Variants in GUCY1A2 observed in about 807,000 individuals in gnomAD.
GUCY1A2 encodes the protein guanylate cyclase soluble subunit alpha-2.
Under a neutral mutation model 63.5 loss-of-function variants are expected in GUCY1A2, and 27 were observed. That is an observed-to-expected ratio of 0.43 (90% CI 0.31 to 0.59). GUCY1A2 has a LOEUF of 0.59. GUCY1A2 is among the 20% of genes least tolerant of loss of function. The pLI, the probability that GUCY1A2 is intolerant of heterozygous loss-of-function variation, is 0.11. For missense variants in GUCY1A2, 768 were observed against 913.3 expected (o/e 0.84, Z 2.05); for synonymous variants, 364 against 343.5 (o/e 1.06, Z -0.66).
At chr11:106,715,862 G>A (rs937607706) in intron 6 of GUCY1A2, among the ~76,000 whole-genome samples, 1 of 152,180 alleles carries the variant, frequency 6.6e-6, no homozygotes, top group Non-Finnish European at 1.5e-5. Context: ...TTCATTTGCT[G>A]TAAAAGATAC....
intron 3 of GUCY1A2, among the ~76,000 whole-genome samples, chr11:106,954,725 T>C (rs1221426468): frequency 6.6e-6 from 1 of 152,206 alleles, no homozygotes; most frequent in Non-Finnish European, 1.5e-5. Flanking sequence ...TAGTTAGCTC[T>C]TCTTGTTGAA....
chr11:106,829,242 C>T (rs118009027), intron 4 of GUCY1A2, among the ~76,000 whole-genome samples: 10 of 152,296 alleles, frequency 6.6e-5, no homozygotes, highest in South Asian at 6.2e-4. Flanking sequence ...ACTGTAATCA[C>T]GGAAGCTAAG....
chr11:106,865,932 C>T (rs1348720544), intron 4 of GUCY1A2, among the ~76,000 whole-genome samples: 1 of 151,248 alleles, frequency 6.6e-6, no homozygotes, highest in Non-Finnish European at 1.5e-5. Flanking sequence ...AAATTATTTC[C>T]TTTGTTAGAA....
At chr11:106,967,084 G>A (rs1368145123) in intron 3 of GUCY1A2, among the ~76,000 whole-genome samples, 1 of 152,098 alleles carries the variant, frequency 6.6e-6, no homozygotes, top group Non-Finnish European at 1.5e-5. Flanking sequence ...ATGGCAATTG[G>A]GTATTTTCAG....
intron 4 of GUCY1A2, among the ~76,000 whole-genome samples, chr11:106,839,097 T>C (rs1424028501): frequency 2.0e-5 from 3 of 152,126 alleles, no homozygotes; most frequent in African/African-American, 7.2e-5. Context: ...TCTAGGGTTT[T>C]TATGGTTTTA....
chr11:106,851,773 C>T (rs77866253), intron 4 of GUCY1A2, among the ~76,000 whole-genome samples: 3,139 of 151,870 alleles, frequency 0.021, 101 homozygotes, highest in African/African-American at 0.07. Flanking sequence ...AATCACACCA[C>T]GCCAGGTGGT....
chr11:106,675,640 C>T lies in GUCY1A2; in HGVS notation c.*11909G>A, dbSNP rs1862333243. 2 of 186,750 alleles carry T rather than the reference C, an allele frequency of 1.1e-5. No homozygotes were observed. Among genetic ancestry groups the T allele is most frequent in the Non-Finnish European group, 2.3e-5 (2 of 88,602 alleles). The allele number at this position is 186,750 out of a possible 1,614,324, so 11.6% of individuals were successfully genotyped here. A position where few individuals can be genotyped will look rare whatever the true frequency, so the allele number is the denominator to read the frequency against. On this transcript the variant is annotated 3_prime_UTR_variant, in exon 8 of 8. Coordinates refer to ENST00000526355, the MANE Select transcript of GUCY1A2 (RefSeq NM_000855.3). ...TTTACAATCATTATTAAAATATTTC[C>T]CTAAAGAAATACAAATGGTAAAGGT...
intron 1 of GUCY1A2, among the ~76,000 whole-genome samples, chr11:106,996,012 C>T (rs1360012967): frequency 2.6e-5 from 4 of 152,172 alleles, no homozygotes; most frequent in Non-Finnish European, 5.9e-5. Context: ...ATATTTCTGC[C>T]TGACAGTTAA....
At chr11:106,960,228 TG>T (rs1861041366) in intron 3 of GUCY1A2, among the ~76,000 whole-genome samples, 1 of 26,960 alleles carries the variant, frequency 3.7e-5, no homozygotes, top group Non-Finnish European at 7.0e-5. Flanking sequence ...TTTCTTGTTT[TG>T]AATTTTTTTT....
chr11:106,727,235 G>A (rs2135368513), intron 6 of GUCY1A2, among the ~76,000 whole-genome samples: 1 of 152,310 alleles, frequency 6.6e-6, no homozygotes, highest in East Asian at 1.9e-4. Flanking sequence ...AAGAAAGAAG[G>A]AAGCTACAAA....
intron 1 of GUCY1A2, among the ~76,000 whole-genome samples, chr11:107,009,529 A>ACTTATAGTAATGACATGC (rs1393423733): frequency 1.3e-5 from 2 of 152,330 alleles, no homozygotes; most frequent in East Asian, 3.9e-4. Flanking sequence ...GTCACAAGAT[A>ACTTATAGTAATGACATGC]CTTATAGTAA....
At chr11:106,736,311 T>C (rs1863588933) in intron 6 of GUCY1A2, among the ~76,000 whole-genome samples, 1 of 152,188 alleles carries the variant, frequency 6.6e-6, no homozygotes, top group Non-Finnish European at 1.5e-5. Context: ...GATGTGCCTA[T>C]GGTGAGAGAC....
intron 6 of GUCY1A2, among the ~76,000 whole-genome samples, chr11:106,759,750 G>A (rs1301537845): frequency 2.6e-5 from 4 of 152,094 alleles, no homozygotes; most frequent in East Asian, 3.9e-4. Context: ...CCTGCCCAAC[G>A]TGGCGAAACC....
intron 3 of GUCY1A2, among the ~76,000 whole-genome samples, chr11:106,963,972 C>T (rs1861093161): frequency 6.6e-6 from 1 of 151,938 alleles, no homozygotes; most frequent in Non-Finnish European, 1.5e-5. Context: ...CTCGTTTCAC[C>T]ATTTGTGAAC....
intron 4 of GUCY1A2, among the ~76,000 whole-genome samples, chr11:106,832,420 A>G (rs1859063835): frequency 6.6e-6 from 1 of 152,180 alleles, no homozygotes; most frequent in Non-Finnish European, 1.5e-5. Context: ...TAAAATTATC[A>G]TCTGACTTAA....
intron 6 of GUCY1A2, among the ~76,000 whole-genome samples, chr11:106,742,459 G>A (rs907594773): frequency 1.7e-4 from 26 of 152,062 alleles, no homozygotes; most frequent in African/African-American, 6.0e-4. Flanking sequence ...CTGTTCCTGC[G>A]TTAGTTTACT....
At chr11:106,901,262 C>CT (rs1279827914) in intron 4 of GUCY1A2, among the ~76,000 whole-genome samples, 1 of 152,174 alleles carries the variant, frequency 6.6e-6, no homozygotes, top group African/African-American at 2.4e-5. Flanking sequence ...GAGAGTGCAT[C>CT]TATGTAGTCA....
At chr11:107,013,565 GGA>G (rs1861777312) in intron 1 of GUCY1A2, among the ~76,000 whole-genome samples, 1 of 151,796 alleles carries the variant, frequency 6.6e-6, no homozygotes, top group South Asian at 2.1e-4. Context: ...GTTTTGTTTT[GGA>G]GACAGAGTCT....
intron 7 of GUCY1A2, among the ~76,000 whole-genome samples, chr11:106,692,679 G>A (rs925010129): frequency 1.3e-5 from 2 of 152,190 alleles, no homozygotes; most frequent in African/African-American, 4.8e-5. Flanking sequence ...GAGTTCAGCA[G>A]TCAACTGGTC....
Sources: gnomAD v4.1 joint callset for allele counts (sites outside exome capture counted in the v4.1 genomes callset) on GRCh38, gnomAD v4.1.1 for gene constraint, MANE v1.5 for transcripts, NCBI Gene and HGNC (gene_info 2026-07-23, HGNC 2026-07-21) for gene names.